Variants in CEP70 observed in about 807,000 individuals in gnomAD.
The protein encoded by CEP70 is centrosomal protein of 70 kDa.
A neutral mutation model predicts 90.9 loss-of-function variants in CEP70; 70 were observed. That is an observed-to-expected ratio of 0.77 (90% CI 0.64 to 0.94). The LOEUF (loss-of-function observed/expected upper bound fraction) is 0.94. CEP70 is among the 40% of genes least tolerant of loss of function. The pLI is 0.00. For missense variants in CEP70, 648 were observed against 669.0 expected, an observed-to-expected ratio of 0.97 and a Z score of 0.35; for synonymous variants, 220 against 228.3, an observed-to-expected ratio of 0.96 and a Z score of 0.33.
chr3:138,497,582 T>G (rs2034062042), intron 17 of CEP70: 11 of 953,294 alleles, frequency 1.2e-5, no homozygotes, highest in Non-Finnish European at 1.4e-5. Context: ...TTTCATCTTT[T>G]CCTTTCCACA....
intron 2 of CEP70, among the ~76,000 whole-genome samples, chr3:138,579,688 C>G (rs2041748184): frequency 6.6e-6 from 1 of 151,762 alleles, no homozygotes; most frequent in African/African-American, 2.4e-5. Context: ...ATTAAAGAGC[C>G]CTTGGGCACT....
chr3:138,530,903 AACTCC>A, intron 8 of CEP70: 3 of 952,656 alleles, frequency 3.1e-6, no homozygotes, highest in Non-Finnish European at 3.7e-6. Context: ...TTATAATATA[AACTCC>A]ACTCAGTCAA....
intron 3 of CEP70, 120 bp from the exon 4 acceptor site, chr3:138,571,476 T>C (rs1255902563): frequency 4.4e-6 from 3 of 679,440 alleles, no homozygotes; most frequent in Middle Eastern, 4.1e-4. Context: ...TAAGTATAAA[T>C]GTTTATGCAT....
chr3:138,525,609 A>G (rs936058382), intron 10 of CEP70, 45 bp from the exon 11 acceptor site: 1 of 911,332 alleles, frequency 1.1e-6, no homozygotes, highest in Non-Finnish European at 1.6e-6. Context: ...TTACTGAATA[A>G]AAGCATAAAG....
intron 6 of CEP70, among the ~76,000 whole-genome samples, chr3:138,555,066 T>C (rs978198359): frequency 2.0e-5 from 3 of 152,064 alleles, no homozygotes; most frequent in Non-Finnish European, 1.5e-5. Flanking sequence ...CTGGCGAACA[T>C]TGTGAAACCC....
rs919782702 is a variant in CEP70, at chr3:138,551,727, C to T, written c.466-14380G>A. Reference sequence around the variant, plus strand: ...CGCCACTGCACTCCAGCCTGGGTGACAAGAGTGAAACTCCATCTAAAAAAA... The same window carrying T: ...CGCCACTGCACTCCAGCCTGGGTGATAAGAGTGAAACTCCATCTAAAAAAA... On this transcript the variant is annotated intron_variant, in intron 6 of 17. Transcript: ENST00000264982. 1.5e-5 allele frequency among the ~76,000 whole-genome samples: 2 copies of T among 133,910 alleles called. 1 individual carries two copies. The highest frequency in any genetic ancestry group is 4.6e-4 in the South Asian group (2 of 4,304). 87.9% of individuals were successfully genotyped at this position (133,910 alleles called of 152,430 possible). A position where few individuals can be genotyped will look rare whatever the true frequency, so the allele number is the denominator to read the frequency against.
chr3:138,545,960 ATAC>A (rs2039162807), intron 6 of CEP70, among the ~76,000 whole-genome samples: 1 of 152,134 alleles, frequency 6.6e-6, no homozygotes, highest in African/African-American at 2.4e-5. Context: ...ATCATTAGTA[ATAC>A]TAATTTTGCC....
At chr3:138,537,025 G>C (rs1418027884) in intron 7 of CEP70, 153 bp downstream of exon 7, 1 of 390,490 alleles carries the variant, frequency 2.6e-6, no homozygotes, top group South Asian at 1.1e-4. Context: ...AAAAAGAACA[G>C]GATGAGCAGG....
At chr3:138,534,095 A>C (rs940795761) in intron 7 of CEP70, among the ~76,000 whole-genome samples, 1 of 152,178 alleles carries the variant, frequency 6.6e-6, no homozygotes, top group African/African-American at 2.4e-5. Context: ...GAATTTTTAT[A>C]AACATTTATT....
intron 11 of CEP70, 132 bp downstream of exon 11, chr3:138,525,358 T>C (rs1007720421): frequency 4.8e-5 from 13 of 268,126 alleles, no homozygotes; most frequent in South Asian, 3.7e-4. Flanking sequence ...GGCACATGTA[T>C]ACATATGTAA....
intron 15 of CEP70, 50 bp from the exon 16 acceptor site, chr3:138,500,274 C>T (rs1446897433): frequency 6.5e-7 from 1 of 1,532,186 alleles, no homozygotes; most frequent in East Asian, 2.3e-5. Context: ...TCCAAAATTA[C>T]ATACATCAAA....
Position 138,500,799 on chromosome 3 carries a change from A to T in CEP70, c.1304T>A (p.Ile435Asn), listed in dbSNP as rs1323876046. 10 of 1,605,850 alleles carry T rather than the reference A, an allele frequency of 6.2e-6. No individual in the cohort carries two copies. The highest frequency in any genetic ancestry group is 1.3e-5 in the African/African-American group (1 of 74,806). The change falls in exon 14 of 18, where the codon ATC becomes AAC. Residue 435 changes from isoleucine to asparagine, a missense_variant. Coordinates refer to ENST00000264982, the MANE Select transcript of CEP70 (RefSeq NM_024491.4). ...TATAAACAACAAATCTTCAACTTTG[A>T]TACCTTCATTTTCATCCTGCTTCTT... ...NLKKQDENEG[I>N]KVEDLLFIVD... is the part of the protein sequence containing the mutation.
chr3:138,525,848 A>G (rs1262265528), intron 10 of CEP70, among the ~76,000 whole-genome samples: 1 of 152,238 alleles, frequency 6.6e-6, no homozygotes, highest in Non-Finnish European at 1.5e-5. Flanking sequence ...GAACATTATA[A>G]CAAATCCTGG....
chr3:138,533,790 G>T lies in CEP70; in HGVS notation c.636-1220C>A, dbSNP rs534924223. Among the ~76,000 whole-genome samples, 25 of 150,916 alleles carry T rather than the reference G, an allele frequency of 1.7e-4. No individual in the cohort carries two copies. In the East Asian group the frequency reaches 1.9e-3, roughly 12 times the overall value. On this transcript the variant is annotated intron_variant, in intron 7 of 17. Transcript: ENST00000264982. ...GAATTTTTATTTTTTGTTTTTTTTTGTTTGTTTGTTTTTTGAGATGGAGTC... is the reference window on the plus strand; with the variant it reads ...GAATTTTTATTTTTTGTTTTTTTTTTTTTGTTTGTTTTTTGAGATGGAGTC...
chr3:138,570,952 T>C, intron 5 of CEP70, 82 bp downstream of exon 5: 1 of 1,194,904 alleles, frequency 8.4e-7, no homozygotes, highest in Non-Finnish European at 1.1e-6. Context: ...AAATGGGAAA[T>C]TAAATTTCAA....
chr3:138,564,763 AG>A (rs1415728721), intron 6 of CEP70, among the ~76,000 whole-genome samples: 1 of 152,206 alleles, frequency 6.6e-6, no homozygotes, highest in African/African-American at 2.4e-5. Flanking sequence ...AAAAACCAGA[AG>A]CACTCCCTTT....
chr3:138,522,263 C>A (rs2036732991), intron 11 of CEP70, among the ~76,000 whole-genome samples: 1 of 148,336 alleles, frequency 6.7e-6, no homozygotes, highest in Admixed American at 6.7e-5. Flanking sequence ...CCGAGAAAAA[C>A]CCAAGAATGA....
At chr3:138,578,704 C>T (rs2041685960) in intron 2 of CEP70, among the ~76,000 whole-genome samples, 1 of 152,206 alleles carries the variant, frequency 6.6e-6, no homozygotes, top group Non-Finnish European at 1.5e-5. Context: ...GTTAGAAAAG[C>T]TTTCCTGAAC....
At chr3:138,586,779 G>A (rs1277059424) in intron 2 of CEP70, among the ~76,000 whole-genome samples, 2 of 152,120 alleles carry the variant, frequency 1.3e-5, no homozygotes, top group African/African-American at 4.8e-5. Flanking sequence ...ACAATGGGTT[G>A]ACTATATTCA....
Sources: gnomAD v4.1 joint callset for allele counts (sites outside exome capture counted in the v4.1 genomes callset) on GRCh38, gnomAD v4.1.1 for gene constraint, MANE v1.5 for transcripts, NCBI Gene and HGNC (gene_info 2026-07-23, HGNC 2026-07-21) for gene names.